The following BLOC1S5 variants were observed in gnomAD, a reference collection of about 807,000 sequenced individuals.
The protein encoded by BLOC1S5 is biogenesis of lysosome-related organelles complex 1 subunit 5.
In BLOC1S5, 27 loss-of-function variants were observed where a neutral mutation model predicts 24.3. That is an observed-to-expected ratio of 1.11 (90% CI 0.82 to 1.53). BLOC1S5 has a LOEUF of 1.53. BLOC1S5 is among the 40% of genes most tolerant of loss of function. The pLI is 0.00. For synonymous variants in BLOC1S5, 84 were observed against 74.5 expected (o/e 1.13, Z -0.66); for missense variants, 239 against 229.4 (o/e 1.04, Z -0.27).
rs997245439 is a variant in BLOC1S5, at chr6:8,026,261, G to A, written c.384+106C>T. Reference sequence around the variant, plus strand: ...CAATGAATCAGCCATTTTAAAATATGTAAAACTCACTGCATTCAGAGAATT... The same window carrying A: ...CAATGAATCAGCCATTTTAAAATATATAAAACTCACTGCATTCAGAGAATT... On this transcript the variant is annotated intron_variant, in intron 4 of 4. Transcript: ENST00000397457. 1.5e-5 allele frequency: 13 copies of A among 862,926 alleles called. No homozygotes were observed. The Middle Eastern group carries it at 1.4e-3, about 96-fold the overall frequency. 53.5% of individuals were successfully genotyped at this position (862,926 alleles called of 1,614,324 possible).
At chr6:8,047,194 A>ACC in intron 2 of BLOC1S5, among the ~76,000 whole-genome samples, 2 of 122,614 alleles carry the variant, frequency 1.6e-5, no homozygotes, top group Non-Finnish European at 1.8e-5. Context: ...ACACACACAC[A>ACC]CACACAGTCA....
chr6:8,016,155 G>A (rs1405817942), intron 4 of BLOC1S5, among the ~76,000 whole-genome samples: 10 of 152,066 alleles, frequency 6.6e-5, no homozygotes, highest in African/African-American at 1.7e-4. Flanking sequence ...GCAAAACTCC[G>A]TCTCTACTAA....
Position 8,064,256 on chromosome 6 carries a change from A to G in BLOC1S5, c.112+9T>C, listed in dbSNP as rs1164766268. ...ATCCACCAGGAACTATAGCCCTGACACTCCGTACCCTTGATAATGAGGTGC... is the reference window on the plus strand; with the variant it reads ...ATCCACCAGGAACTATAGCCCTGACGCTCCGTACCCTTGATAATGAGGTGC... On this transcript the variant is annotated intron_variant, in intron 1 of 4. Transcript: ENST00000397457. 2 of 1,609,324 alleles carry G rather than the reference A, an allele frequency of 1.2e-6. No homozygotes were observed. Among genetic ancestry groups the G allele is most frequent in the Non-Finnish European group, 1.7e-6 (2 of 1,177,342 alleles).
chr6:8,027,104 C>T (rs534406210), intron 3 of BLOC1S5: 34 of 309,774 alleles, frequency 1.1e-4, no homozygotes, highest in African/African-American at 2.8e-4. Context: ...AACACTCTAC[C>T]GCCTCTTTAA....
intron 2 of BLOC1S5, among the ~76,000 whole-genome samples, chr6:8,044,973 T>C (rs1273765746): frequency 1.3e-5 from 2 of 152,172 alleles, no homozygotes; most frequent in South Asian, 2.1e-4. Flanking sequence ...CTGCAGAAAT[T>C]TGCATAAGTA....
chr6:8,031,823 C>T (rs185832010), intron 3 of BLOC1S5, among the ~76,000 whole-genome samples: 18 of 152,294 alleles, frequency 1.2e-4, no homozygotes, highest in African/African-American at 3.1e-4. Context: ...CAAATACTTA[C>T]AGCCAACTGA....
chr6:8,042,967 G>A (rs1763743963), intron 2 of BLOC1S5, among the ~76,000 whole-genome samples: 1 of 152,162 alleles, frequency 6.6e-6, no homozygotes, highest in South Asian at 2.1e-4. Flanking sequence ...TGACTCCACT[G>A]GGGGACGACT....
chr6:8,064,179 G>A lies in BLOC1S5; in HGVS notation c.112+86C>T. On this transcript the variant is annotated intron_variant, in intron 1 of 4. Coordinates refer to ENST00000397457, the MANE Select transcript of BLOC1S5 (RefSeq NM_201280.3). The stretch of plus-strand genomic sequence containing the variant: ...ACGCACGCGCGCCAGCCCGGGACCC[G>A]GGGGTCGGCCCGGGTCAGAGGGCGC... 4.2e-6 allele frequency: 5 copies of A among 1,177,100 alleles called. No individual in the cohort carries two copies. In the South Asian group the frequency reaches 8.3e-5, roughly 20 times the overall value. The allele number at this position is 1,177,100 out of a possible 1,614,324, so 72.9% of individuals were successfully genotyped here.
At chr6:8,017,264 C>T (rs1581390392) in intron 4 of BLOC1S5, among the ~76,000 whole-genome samples, 2 of 152,148 alleles carry the variant, frequency 1.3e-5, no homozygotes, top group Non-Finnish European at 1.5e-5. Flanking sequence ...CTGGGATATG[C>T]AAACTAGAAA....
intron 3 of BLOC1S5, among the ~76,000 whole-genome samples, chr6:8,040,464 T>TA (rs1383668789): frequency 1.3e-5 from 2 of 152,074 alleles, no homozygotes; most frequent in African/African-American, 4.8e-5. Context: ...TTTTTAAAAG[T>TA]AAAAAAACTT....
intron 4 of BLOC1S5, among the ~76,000 whole-genome samples, chr6:8,018,214 T>A (rs1267930809): frequency 1.3e-5 from 2 of 152,228 alleles, no homozygotes; most frequent in African/African-American, 4.8e-5. Context: ...CCTTATAGAT[T>A]AGAACTCTCC....
At chr6:8,055,578 T>G (rs1287530005) in intron 2 of BLOC1S5, among the ~76,000 whole-genome samples, 2 of 152,250 alleles carry the variant, frequency 1.3e-5, no homozygotes, top group African/African-American at 2.4e-5. Context: ...TTAAGTGAAA[T>G]TAGTTTTCCA....
intron 4 of BLOC1S5, among the ~76,000 whole-genome samples, chr6:8,019,613 G>C (rs1341267923): frequency 6.6e-6 from 1 of 151,774 alleles, no homozygotes; most frequent in African/African-American, 2.4e-5. Flanking sequence ...AAAAAGGGGG[G>C]GGGGGCGCCT....
In BLOC1S5 at chr6:8,041,193, G is replaced by C. The variant is rs1398355435; in HGVS notation, c.271C>G (p.Leu91Val). 1 of 1,612,652 alleles carries C rather than the reference G, an allele frequency of 6.2e-7. No individual in the cohort carries two copies. The highest frequency in any genetic ancestry group is 1.1e-5 in the South Asian group (1 of 90,794). ...CGCATTGTGTCTCTACATTTGGGAA[G>C]AGTATGTTCATTTGTTTCATGGATC... ...NMIHETNEHT[L>V]PKCRDTMRDS... Residue 91 changes from leucine to valine, a missense_variant, in exon 3 of 5, where the codon CTT (leucine) becomes GTT (valine). Coordinates refer to ENST00000397457, the MANE Select transcript of BLOC1S5 (RefSeq NM_201280.3).
chr6:8,016,151 C>T (rs998334754), intron 4 of BLOC1S5, among the ~76,000 whole-genome samples: 1 of 152,162 alleles, frequency 6.6e-6, no homozygotes, highest in African/African-American at 2.4e-5. Flanking sequence ...CATGGCAAAA[C>T]TCCGTCTCTA....
Position 8,014,937 on chromosome 6 carries a change from A to G in BLOC1S5, c.*712T>C, listed in dbSNP as rs1762685112. On this transcript the variant is annotated 3_prime_UTR_variant, in exon 5 of 5. Coordinates refer to ENST00000397457, the MANE Select transcript of BLOC1S5 (RefSeq NM_201280.3). ...TAAATGTCAAAATATATTTTTGGTA[A>G]GCTTTTCCTTCTAAGCATGCTTTAA... 3 of 152,702 alleles carry G rather than the reference A, an allele frequency of 2.0e-5. No homozygotes were observed. The highest frequency in any genetic ancestry group is 2.0e-4 in the Admixed American group (3 of 15,284). The allele number at this position is 152,702 out of a possible 1,614,324, so 9.5% of individuals were successfully genotyped here.
At chr6:8,042,904 A>G (rs1034940716) in intron 2 of BLOC1S5, among the ~76,000 whole-genome samples, 2 of 152,194 alleles carry the variant, frequency 1.3e-5, no homozygotes, top group African/African-American at 4.8e-5. Context: ...GTAAGATTAC[A>G]CTTTACATGT....
chr6:8,017,853 C>G (rs978954789), intron 4 of BLOC1S5: 31 of 152,214 alleles, frequency 2.0e-4, no homozygotes. Context: ...TTTTCTATCA[C>G]AGAGTGCAAA....
intron 2 of BLOC1S5, among the ~76,000 whole-genome samples, chr6:8,057,076 G>A (rs1764335756): frequency 3.3e-5 from 5 of 152,082 alleles, no homozygotes; most frequent in Non-Finnish European, 7.4e-5. Flanking sequence ...AAAATTAGCT[G>A]GACATGGTGG....
Sources: allele counts gnomAD v4.1 joint callset (sites outside exome capture counted in the v4.1 genomes callset), GRCh38; gene constraint gnomAD v4.1.1; transcripts MANE v1.5; gene names NCBI Gene and HGNC (gene_info 2026-07-23, HGNC 2026-07-21).